Variants in MGME1 observed in about 807,000 individuals in gnomAD.
The protein encoded by MGME1 is chromosome 20 open reading frame 72.
A neutral mutation model predicts 33.0 loss-of-function variants in MGME1; 22 were observed. The observed-to-expected ratio is 0.67, with a 90% confidence interval of 0.48 to 0.95. The LOEUF is 0.95. Among genes scored for constraint, MGME1 ranks in the 40% least tolerant of loss-of-function variants. The pLI is 0.00. For missense variants in MGME1, 383 were observed against 397.8 expected (o/e 0.96, Z 0.32); for synonymous variants, 133 against 144.0 (o/e 0.92, Z 0.55).
chr20:17,989,705 C>CT lies in MGME1; in HGVS notation c.865-222dup, dbSNP rs34413983. Reference sequence around the variant, plus strand: ...GCACTTTTCCACCCTCTTCTTGGGCCTTTTTTTTTTTTCAATGGCTCTGTA... The same window carrying CT: ...GCACTTTTCCACCCTCTTCTTGGGCCTTTTTTTTTTTTTCAATGGCTCTGTA... On this transcript the variant is annotated intron_variant, in intron 4 of 4. Transcript: ENST00000377710. 0.28 allele frequency among the ~76,000 whole-genome samples: 40,216 copies of CT among 143,000 alleles called. 5,770 individuals are homozygous for CT. Among genetic ancestry groups the CT allele is most frequent in the East Asian group, 0.43 (2,159 of 4,994 alleles). 93.8% of individuals were successfully genotyped at this position (143,000 alleles called of 152,430 possible).
Position 17,975,937 on chromosome 20 carries a change from G to A in MGME1, c.731+34G>A, listed in dbSNP as rs7261102. On this transcript the variant is annotated intron_variant, in intron 3 of 4. Coordinates refer to ENST00000377710, the MANE Select transcript of MGME1 (RefSeq NM_052865.4). ...GAGATTGGAGGTGAATTAATACAGCGTAGGACAGATGGTGCCTGTCAAAGG... is the reference window on the plus strand; with the variant it reads ...GAGATTGGAGGTGAATTAATACAGCATAGGACAGATGGTGCCTGTCAAAGG... 7,423 of 1,517,468 alleles carry A rather than the reference G, an allele frequency of 4.9e-3. 279 individuals are homozygous for A. In the African/African-American group the frequency reaches 0.085, roughly 17 times the overall value. 94.0% of individuals were successfully genotyped at this position (1,517,468 alleles called of 1,614,324 possible).
At chr20:17,984,540 A>G (rs1361136415) in intron 3 of MGME1, among the ~76,000 whole-genome samples, 1 of 152,294 alleles carries the variant, frequency 6.6e-6, no homozygotes, top group African/African-American at 2.4e-5. Context: ...ATAATTGATA[A>G]TGGTAATAAA....
At chr20:17,987,447 A>G (rs1385483079) in intron 3 of MGME1, among the ~76,000 whole-genome samples, 1 of 152,218 alleles carries the variant, frequency 6.6e-6, no homozygotes, top group Non-Finnish European at 1.5e-5. Flanking sequence ...TATCCCTATA[A>G]TAAAAAAAAG....
At chr20:17,982,505 C>A (rs369328040) in intron 3 of MGME1, among the ~76,000 whole-genome samples, 2 of 152,200 alleles carry the variant, frequency 1.3e-5, no homozygotes, top group Non-Finnish European at 2.9e-5. Context: ...TCTTAAATCT[C>A]CCAGGCACTT....
chr20:17,977,108 G>T (rs903017664), intron 3 of MGME1, among the ~76,000 whole-genome samples: 1 of 152,014 alleles, frequency 6.6e-6, no homozygotes, highest in South Asian at 2.1e-4. Context: ...AGGCACAGTG[G>T]CTCACGCCTG....
At chr20:17,973,679 G>A (rs1490757330) in intron 2 of MGME1, among the ~76,000 whole-genome samples, 1 of 151,340 alleles carries the variant, frequency 6.6e-6, no homozygotes, top group African/African-American at 2.4e-5. Context: ...GTTGTTTTCC[G>A]CCTTTTCTGT....
At chr20:17,981,922 G>A (rs2036033196) in intron 3 of MGME1, among the ~76,000 whole-genome samples, 1 of 151,982 alleles carries the variant, frequency 6.6e-6, no homozygotes. Flanking sequence ...CAAAGTGCTG[G>A]GATTACAGAC....
chr20:17,968,701 C>T (rs1014712260), upstream of MGME1: 2 of 503,380 alleles, frequency 4.0e-6, no homozygotes, highest in South Asian at 4.1e-5. Context: ...GGGGCCTACC[C>T]TTGCTCCGCT....
chr20:17,968,729 A>C, upstream of MGME1: 1 of 394,790 alleles, frequency 2.5e-6, no homozygotes, highest in Non-Finnish European at 4.7e-6. Flanking sequence ...GAGGCCGCCA[A>C]CCGCAGGGCC....
chr20:17,988,091 AAG>A, intron 3 of MGME1, 73 bp from the exon 4 acceptor site: 1 of 1,412,892 alleles, frequency 7.1e-7, no homozygotes, highest in South Asian at 1.4e-5. Flanking sequence ...AACTATACAT[AAG>A]AGAACTGTTA....
At position 17,970,332 on chromosome 20, in the gene MGME1, TG is replaced by T. The variant is rs745314211; in HGVS notation, c.475del (p.Glu159AsnfsTer35). 1 of 1,614,012 alleles carries T rather than the reference TG, an allele frequency of 6.2e-7. No homozygotes were observed. Among genetic ancestry groups the T allele is most frequent in the South Asian group, 1.1e-5 (1 of 91,066 alleles). On this transcript the variant is annotated frameshift_variant, in exon 2 of 5. Transcript: ENST00000377710. LOFTEE classifies it high-confidence loss of function. ...GAGAGGTGGAAACAGCGGATGATTC[TG>T]GAACTGGGAGAAGATGGCTTTAAAG... ...LLERWKQRMI[L>X]ELGEDGFKEY...
rs1555792156 is a variant in MGME1 at position 17,990,410 on chromosome 20, T to TGGGCGGGGGGGGGGGGGGG, written c.*304_*305insCGGGGGGGGGGGGGGGGGG. On this transcript the variant is annotated 3_prime_UTR_variant, in exon 5 of 5. Transcript: ENST00000377710. ...ACTCTTGTACTCCCTTGAGGGACAT[T>TGGGCGGGGGGGGGGGGGGG]GGGGGGGGGGGGGCGTGGTCCCAGG... 1 of 44,504 alleles carries TGGGCGGGGGGGGGGGGGGG rather than the reference T, an allele frequency of 2.2e-5. No homozygotes were observed. Among genetic ancestry groups the TGGGCGGGGGGGGGGGGGGG allele is most frequent in the African/African-American group, 1.4e-4 (1 of 7,190 alleles). 2.8% of individuals were successfully genotyped at this position (44,504 alleles called of 1,614,324 possible).
chr20:17,983,334 A>G (rs1196836241), intron 3 of MGME1, among the ~76,000 whole-genome samples: 1 of 150,332 alleles, frequency 6.7e-6, no homozygotes, highest in East Asian at 1.9e-4. Flanking sequence ...TTATCCATAG[A>G]TGGACACTTA....
intron 2 of MGME1, among the ~76,000 whole-genome samples, chr20:17,974,071 T>G (rs1270339291): frequency 6.9e-6 from 1 of 145,572 alleles, no homozygotes; most frequent in African/African-American, 2.6e-5. Context: ...GTTTTTTTTT[T>G]TTTTTTTTTT....
At chr20:17,968,679 A>G (rs943517724), upstream of MGME1, 9 of 576,768 alleles carry the variant, frequency 1.6e-5, no homozygotes, top group Admixed American at 1.1e-4. Context: ...GAGCCGGGCA[A>G]AGACGCCACG....
chr20:17,989,333 C>T (rs1231096426), intron 4 of MGME1, among the ~76,000 whole-genome samples: 1 of 151,940 alleles, frequency 6.6e-6, no homozygotes, highest in Non-Finnish European at 1.5e-5. Context: ...TTGCGGTGAG[C>T]CAAGGTTGTT....
chr20:17,975,695 C>T lies in MGME1; in HGVS notation c.523C>T (p.Gln175Ter). ...GATTTTCTTTTCAGACGTCTTTTTA[C>T]AAGGGAAACGGTTCCACGAAGCCTT... ...FKEYTSNVFL[Q>*]GKRFHEALES... The change falls in exon 3 of 5, where the codon CAA becomes TAA. Residue 175 changes from glutamine to a stop codon, truncating the protein, a stop_gained. Transcript: ENST00000377710. LOFTEE classifies it high-confidence loss of function. The T allele has an allele frequency of 6.2e-7, 1 of 1,609,378 alleles. No individual in the cohort carries two copies. The highest frequency in any genetic ancestry group is 8.5e-7 in the Non-Finnish European group (1 of 1,177,476).
chr20:17,985,006 C>A (rs1347615078), intron 3 of MGME1, among the ~76,000 whole-genome samples: 1 of 137,204 alleles, frequency 7.3e-6, no homozygotes, highest in Non-Finnish European at 1.5e-5. Flanking sequence ...CACTGCACTC[C>A]AGCCTGGGTG....
intron 3 of MGME1, among the ~76,000 whole-genome samples, chr20:17,976,120 G>A (rs1354766896): frequency 6.6e-6 from 1 of 152,090 alleles, no homozygotes; most frequent in Non-Finnish European, 1.5e-5. Context: ...GCTGGAGAAA[G>A]GTATATTCTT....
Sources: gnomAD v4.1 joint callset for allele counts (sites outside exome capture counted in the v4.1 genomes callset) on GRCh38, gnomAD v4.1.1 for gene constraint, MANE v1.5 for transcripts, NCBI Gene and HGNC (gene_info 2026-07-23, HGNC 2026-07-21) for gene names.